Variants in NRXN3 observed in about 807,000 individuals in gnomAD.
The protein encoded by NRXN3 is neurexin 3, also known as neurexin III.
NRXN3 carries 32 observed loss-of-function variants against 137.6 expected under a neutral mutation model. The observed-to-expected ratio is 0.23, with a 90% CI of 0.18 to 0.31. NRXN3 has a LOEUF of 0.31. Ranked by LOEUF, NRXN3 falls within the 10% of genes least tolerant of loss-of-function variation. The pLI is 1.00. For synonymous variants in NRXN3, 798 were observed against 784.5 expected (o/e 1.02, Z -0.29); for missense variants, 1,574 against 2,062.5 (o/e 0.76, Z 4.59).
chr14:78,866,174 G>A (rs2099086188), intron 10 of NRXN3, among the ~76,000 whole-genome samples: 2 of 152,146 alleles, frequency 1.3e-5, no homozygotes, highest in African/African-American at 4.8e-5. Context: ...GTCGAGATTA[G>A]ATTGTTCTTG....
At chr14:79,620,410 A>C (rs2098211009) in intron 16 of NRXN3, among the ~76,000 whole-genome samples, 1 of 152,090 alleles carries the variant, frequency 6.6e-6, no homozygotes. Context: ...CCATGGGAAA[A>C]CATGTAAGAA....
chr14:79,206,251 T>A (rs1008587817), intron 15 of NRXN3, among the ~76,000 whole-genome samples: 3 of 152,240 alleles, frequency 2.0e-5, no homozygotes, highest in African/African-American at 7.2e-5. Context: ...CCAGACATTC[T>A]TAAAGGATTT....
At chr14:79,549,859 C>T (rs1452718929) in intron 16 of NRXN3, among the ~76,000 whole-genome samples, 4 of 152,100 alleles carry the variant, frequency 2.6e-5, no homozygotes, top group Non-Finnish European at 1.5e-5. Flanking sequence ...TTGTCTGAGA[C>T]GGATCTGCTT....
chr14:78,473,979 G>A (rs1338988961), intron 4 of NRXN3, among the ~76,000 whole-genome samples: 1 of 152,170 alleles, frequency 6.6e-6, no homozygotes, highest in African/African-American at 2.4e-5. Context: ...TTTCCTCAAT[G>A]TCCTGTTGAC....
At chr14:79,273,745 T>TTAAA (rs1277416309) in intron 15 of NRXN3, among the ~76,000 whole-genome samples, 1 of 152,082 alleles carries the variant, frequency 6.6e-6, no homozygotes, top group Non-Finnish European at 1.5e-5. Context: ...ACAACAAACC[T>TTAAA]ATTAGATAGA....
rs552588078 is a variant in NRXN3, at chr14:79,866,822, G to A, written c.*4858G>A. On this transcript the variant is annotated 3_prime_UTR_variant, in exon 21 of 21. Coordinates refer to ENST00000335750, the MANE Select transcript of NRXN3 (RefSeq NM_001330195.2). ...GAATGGGATCAGAAACTGACATATTGCTACAGAGGTTACAAAAGCTGTAGT... is the reference window on the plus strand; with the variant it reads ...GAATGGGATCAGAAACTGACATATTACTACAGAGGTTACAAAAGCTGTAGT... 2 of 152,250 alleles carry A rather than the reference G, an allele frequency of 1.3e-5. No homozygotes were observed. Among genetic ancestry groups the A allele is most frequent in the East Asian group, 3.9e-4 (2 of 5,180 alleles). 9.4% of individuals were successfully genotyped at this position (152,250 alleles called of 1,614,324 possible).
chr14:78,503,706 C>A (rs933324840), intron 4 of NRXN3, among the ~76,000 whole-genome samples: 3 of 152,048 alleles, frequency 2.0e-5, no homozygotes, highest in Non-Finnish European at 4.4e-5. Flanking sequence ...GTCCCAGGGC[C>A]TAGGACAAGG....
intron 19 of NRXN3, among the ~76,000 whole-genome samples, chr14:79,702,898 C>CTTATGTCTCCATCCTGAGT (rs2098760598): frequency 6.7e-6 from 1 of 149,542 alleles, no homozygotes; most frequent in Non-Finnish European, 1.5e-5. Context: ...AGTCTTTTAC[C>CTTATGTCTCCATCCTGAGT]TTATGTCTCC....
rs76733957 is a variant in NRXN3, at chr14:78,377,113, T to C, written c.757+79253T>C. 2.9e-3 allele frequency among the ~76,000 whole-genome samples: 444 copies of C among 152,304 alleles called. 3 individuals are homozygous for C. Among genetic ancestry groups the C allele is most frequent in the African/African-American group, 1.0e-2 (415 of 41,568 alleles). On this transcript the variant is annotated intron_variant, in intron 4 of 20. Transcript: ENST00000335750. ...AATGTAAATGGCTTAATAATTCCAA[T>C]TAAAGAGATTGGGAGAAAGGATTAA...
intron 16 of NRXN3, among the ~76,000 whole-genome samples, chr14:79,508,390 A>ATTTTTTATTTTTTTTTTTTTTTTTTTT (rs2096898702): frequency 2.1e-5 from 1 of 48,240 alleles, no homozygotes; most frequent in Non-Finnish European, 4.0e-5. Context: ...ACAATAACTG[A>ATTTTTTATTTTTTTTTTTTTTTTTTTT]TTTTTTTTTT....
chr14:78,481,251 G>T (rs1282161350), intron 4 of NRXN3, among the ~76,000 whole-genome samples: 3 of 152,166 alleles, frequency 2.0e-5, no homozygotes, highest in Non-Finnish European at 2.9e-5. Context: ...CTCTGTAGGG[G>T]AACGCTGTGC....
At chr14:78,252,852 C>T (rs151037618) in intron 2 of NRXN3, among the ~76,000 whole-genome samples, 62 of 152,300 alleles carry the variant, frequency 4.1e-4, no homozygotes, top group Middle Eastern at 6.8e-3. Context: ...TACCCACTTG[C>T]GAGGAGGGAT....
intron 15 of NRXN3, among the ~76,000 whole-genome samples, chr14:79,345,974 G>C (rs1163275611): frequency 1.3e-5 from 2 of 152,152 alleles, no homozygotes; most frequent in Non-Finnish European, 1.5e-5. Flanking sequence ...ATAAATCTCA[G>C]GTCTCTGATT....
chr14:78,723,273 A>G (rs1341579879), intron 8 of NRXN3, among the ~76,000 whole-genome samples: 1 of 152,214 alleles, frequency 6.6e-6, no homozygotes, highest in Non-Finnish European at 1.5e-5. Context: ...TAATTCAGGA[A>G]TGAGAGATAA....
chr14:79,259,421 G>A (rs1483545333), intron 15 of NRXN3, among the ~76,000 whole-genome samples: 2 of 151,820 alleles, frequency 1.3e-5, no homozygotes, highest in East Asian at 3.9e-4. Flanking sequence ...GTCAGCATTT[G>A]TAGTCAGCAT....
Position 78,523,816 on chromosome 14 carries a change from C to CAAAAAAAAAA in NRXN3, c.758-121284_758-121275dup, listed in dbSNP as rs56083130. ...TGGGTGACAGAGCAAGACTCTGTCT[C>CAAAAAAAAAA]AAAAAAAAAAAAAAAAAAAAAAAAA... On this transcript the variant is annotated intron_variant, in intron 4 of 20. Coordinates refer to ENST00000335750, the MANE Select transcript of NRXN3 (RefSeq NM_001330195.2). 1.9e-3 allele frequency among the ~76,000 whole-genome samples: 119 copies of CAAAAAAAAAA among 61,552 alleles called. 6 individuals are homozygous for CAAAAAAAAAA. Among genetic ancestry groups the CAAAAAAAAAA allele is most frequent in the African/African-American group, 2.3e-3 (20 of 8,728 alleles). 40.4% of individuals were successfully genotyped at this position (61,552 alleles called of 152,430 possible).
At chr14:78,308,213 G>T (rs1321716588) in intron 4 of NRXN3, among the ~76,000 whole-genome samples, 2 of 152,148 alleles carry the variant, frequency 1.3e-5, no homozygotes, top group African/African-American at 4.8e-5. Flanking sequence ...AATGCAGGGA[G>T]AAGATCTGAA....
At chr14:78,859,309 G>C (rs1460877797) in intron 10 of NRXN3, among the ~76,000 whole-genome samples, 1 of 152,016 alleles carries the variant, frequency 6.6e-6, no homozygotes, top group Non-Finnish European at 1.5e-5. Flanking sequence ...CCTTCATAGC[G>C]GTGTGAGAAT....
intron 4 of NRXN3, among the ~76,000 whole-genome samples, chr14:78,453,325 A>G (rs561792525): frequency 2.0e-5 from 3 of 152,248 alleles, no homozygotes; most frequent in Non-Finnish European, 4.4e-5. Flanking sequence ...AACTAGGACC[A>G]TGCGGCCAAC....
Sources: allele counts gnomAD v4.1 joint callset (sites outside exome capture counted in the v4.1 genomes callset), GRCh38; gene constraint gnomAD v4.1.1; transcripts MANE v1.5; gene names NCBI Gene and HGNC (gene_info 2026-07-23, HGNC 2026-07-21).